Variants in GOLGA8N observed in about 807,000 individuals in gnomAD.
The protein encoded by GOLGA8N is golgin subfamily A member 8N.
In GOLGA8N, 2 loss-of-function variants were observed where a neutral mutation model predicts 22.0. The ratio of observed to expected loss-of-function variants is 0.09; its 90% CI spans 0.04 to 0.29. The LOEUF is 0.29. Among genes scored for constraint, GOLGA8N ranks in the 10% least tolerant of loss-of-function variants. GOLGA8N has a pLI of 1.00. For synonymous variants in GOLGA8N, 2 were observed against 58.7 expected, an observed-to-expected ratio of 0.03 and a Z score of 4.41; for missense variants, 10 against 164.7, an observed-to-expected ratio of 0.06 and a Z score of 5.14.
chr15:32,605,297 G>A (rs577807119), exon 19 of GOLGA8N: 1 of 148,794 alleles, frequency 6.7e-6, no homozygotes, highest in African/African-American at 2.5e-5. Flanking sequence ...AGTTTTAGTA[G>A]ATGGTATTAT....
At chr15:32,606,310 TA>T (rs1001240309) in exon 19 of GOLGA8N, 4 of 109,090 alleles carry the variant, frequency 3.7e-5, no homozygotes, top group Non-Finnish European at 5.8e-5. Context: ...AATCTGACAA[TA>T]ATGTGTTCAT....
At chr15:32,606,003 T>TA (rs1368873720) in exon 19 of GOLGA8N, 18 of 111,136 alleles carry the variant, frequency 1.6e-4, no homozygotes, top group Non-Finnish European at 3.0e-4. Flanking sequence ...AAAATGCACT[T>TA]AAAGTCCTGT....
At chr15:32,606,543 C>G (rs529433882) in exon 19 of GOLGA8N, 6 of 151,902 alleles carry the variant, frequency 3.9e-5, no homozygotes, top group Admixed American at 3.9e-4. Context: ...TATTTGTACT[C>G]TTCCTCATTC....
chr15:32,606,480 T>G (rs1056328268), exon 19 of GOLGA8N: 9 of 151,324 alleles, frequency 5.9e-5, no homozygotes, highest in East Asian at 1.9e-4. Flanking sequence ...GACAATAACT[T>G]AAGTCTTTCT....
intron 7 of GOLGA8N, 24 bp from the exon 8 acceptor site, chr15:32,598,044 C>T: frequency 7.8e-7 from 1 of 1,277,144 alleles, no homozygotes; most frequent in Non-Finnish European, 1.1e-6. Context: ...TCCTTTGGGC[C>T]CCATCTCAAC....
chr15:32,595,878 CTT>C (rs1220692219), intron 2 of GOLGA8N, among the ~76,000 whole-genome samples: 1 of 151,204 alleles, frequency 6.6e-6, no homozygotes, highest in Non-Finnish European at 1.5e-5. Context: ...TTGGGCCTCT[CTT>C]TTCACATCTG....
chr15:32,598,674 G>T (rs1455175163), intron 8 of GOLGA8N, among the ~76,000 whole-genome samples: 1 of 56,006 alleles, frequency 1.8e-5, no homozygotes, highest in African/African-American at 6.5e-5. Flanking sequence ...TCTGAGTTTT[G>T]GACTATGCAA....
exon 19 of GOLGA8N, chr15:32,606,725 G>C (rs1392569083): frequency 1.4e-5 from 2 of 146,150 alleles, no homozygotes; most frequent in East Asian, 2.0e-4. Flanking sequence ...AAAAGTATTT[G>C]ATTCAACCTA....
At chr15:32,606,802 T>C (rs1412164938) in exon 19 of GOLGA8N, 1 of 151,198 alleles carries the variant, frequency 6.6e-6, no homozygotes, top group Non-Finnish European at 1.5e-5. Context: ...AATTTGAAAA[T>C]GTAAATCAGC....
exon 19 of GOLGA8N, chr15:32,606,695 C>A (rs2052938908): frequency 2.1e-5 from 3 of 144,980 alleles, no homozygotes; most frequent in East Asian, 4.2e-4. Flanking sequence ...TTAAAGATGG[C>A]AATATATAAT....
In GOLGA8N at chr15:32,598,397, TG is replaced by T. The variant is rs779840520; in HGVS notation, c.591+222del. Among the ~76,000 whole-genome samples the T allele has an allele frequency of 3.6e-4, 21 of 58,728 alleles. 3 individuals carry two copies. The East Asian group carries it at 5.2e-3, about 14-fold the overall frequency. 38.5% of individuals were successfully genotyped at this position (58,728 alleles called of 152,430 possible). A position where few individuals can be genotyped will look rare whatever the true frequency, so the allele number is the denominator to read the frequency against. ...GGGAGTGAGCACTGGACGCAGAGCTTGGAGGCCAAGTGCCTGCCCCGCCCTT... is the reference window on the plus strand; with the variant it reads ...GGGAGTGAGCACTGGACGCAGAGCTTGAGGCCAAGTGCCTGCCCCGCCCTT... On this transcript the variant is annotated intron_variant, in intron 8 of 18. Coordinates refer to ENST00000448387, the Ensembl canonical transcript of GOLGA8N.
chr15:32,606,751 A>G (rs2052939917), exon 19 of GOLGA8N: 2 of 138,318 alleles, frequency 1.4e-5, no homozygotes, highest in Admixed American at 1.4e-4. Context: ...CCAGAAATGA[A>G]AAAAAAAAAA....
At chr15:32,598,420 C>A (rs2052852519) in intron 8 of GOLGA8N, among the ~76,000 whole-genome samples, 1 of 56,346 alleles carries the variant, frequency 1.8e-5, no homozygotes, top group African/African-American at 6.6e-5. Flanking sequence ...CCTGCCCCGC[C>A]CTTACCTGGC....
intron 5 of GOLGA8N, 94 bp downstream of exon 5, chr15:32,597,583 G>A: frequency 6.2e-7 from 1 of 1,601,614 alleles, no homozygotes; most frequent in African/African-American, 1.3e-5. Flanking sequence ...CTCCCAGCCT[G>A]GGGAAGAAGG....
chr15:32,605,359 C>T (rs1276650340), exon 19 of GOLGA8N: 209 of 131,686 alleles, frequency 1.6e-3, no homozygotes, highest in African/African-American at 5.8e-3. Context: ...TGTGTACAAA[C>T]TGCAGTGCAA....
chr15:32,605,306 A>G (rs3927833), exon 19 of GOLGA8N: 926 of 148,502 alleles, frequency 6.2e-3, no homozygotes, highest in African/African-American at 0.022. Context: ...AGATGGTATT[A>G]TACTATCTTT....
exon 19 of GOLGA8N, chr15:32,606,630 C>G (rs962774504): frequency 3.5e-4 from 52 of 149,266 alleles, no homozygotes; most frequent in African/African-American, 1.2e-3. Flanking sequence ...GAATTTTAAA[C>G]TGTGAGTTCC....
At chr15:32,595,773 G>T in intron 2 of GOLGA8N, among the ~76,000 whole-genome samples, 1 of 46,220 alleles carries the variant, frequency 2.2e-5, no homozygotes, top group Admixed American at 2.6e-4. Context: ...GCAAGACTCT[G>T]TCTCAAAAAA....
chr15:32,606,642 C>T (rs1467069229), exon 19 of GOLGA8N: 1 of 148,880 alleles, frequency 6.7e-6, no homozygotes, highest in African/African-American at 2.5e-5. Flanking sequence ...GTGAGTTCCA[C>T]TGAATACATT....
Sources: gnomAD v4.1 joint callset for allele counts (sites outside exome capture counted in the v4.1 genomes callset) on GRCh38, gnomAD v4.1.1 for gene constraint, MANE v1.5 for transcripts, NCBI Gene and HGNC (gene_info 2026-07-23, HGNC 2026-07-21) for gene names.